KAT6B: variants seen among roughly 807,000 people sequenced by gnomAD.
KAT6B encodes histone acetyltransferase KAT6B.
A neutral mutation model predicts 187.5 loss-of-function variants in KAT6B; 10 were observed. The ratio of observed to expected loss-of-function variants is 0.05; its 90% CI spans 0.03 to 0.09. The LOEUF (loss-of-function observed/expected upper bound fraction) is 0.09. Among genes scored for constraint, KAT6B ranks in the 10% least tolerant of loss-of-function variants. The probability of loss-of-function intolerance (pLI) is 1.00; values close to 1 mark genes in which losing one functional copy is unlikely to be tolerated. For missense variants in KAT6B, 1,952 were observed against 2,558.9 expected (o/e 0.76, Z 5.12); for synonymous variants, 861 against 926.8 (o/e 0.93, Z 1.29).
rs1846099009 is a variant in KAT6B at position 75,028,957 on chromosome 10, T to G, written c.4133T>G (p.Val1378Gly). Residue 1378 changes from valine (V) to glycine (G), a missense_variant, in exon 18 of 18, where the codon GTA becomes GGA. Val to Gly is a moderately radical substitution (Grantham distance 109). Coordinates refer to ENST00000287239, the MANE Select transcript of KAT6B (RefSeq NM_012330.4). ...EGEEEEGGGN[V>G]EKDPDGAKSQ... ...GAAGAAGAAGAAGGAGGAGGAAATGTAGAAAAAGATCCAGATGGTGCTAAA... is the reference window on the plus strand; with the variant it reads ...GAAGAAGAAGAAGGAGGAGGAAATGGAGAAAAAGATCCAGATGGTGCTAAA... The G allele has an allele frequency of 6.2e-7, 1 of 1,612,396 alleles. No individual in the cohort carries two copies. The highest frequency in any genetic ancestry group is 8.5e-7 in the Non-Finnish European group (1 of 1,179,358).
intron 3 of KAT6B, among the ~76,000 whole-genome samples, chr10:74,928,899 GT>G (rs2133146456): frequency 6.6e-6 from 1 of 152,196 alleles, no homozygotes; most frequent in South Asian, 2.1e-4. Flanking sequence ...AAGAACCTTT[GT>G]TTTCTCTTGC....
At chr10:74,963,258 A>G (rs1207910745) in intron 4 of KAT6B, among the ~76,000 whole-genome samples, 1 of 152,236 alleles carries the variant, frequency 6.6e-6, no homozygotes, top group East Asian at 1.9e-4. Flanking sequence ...TCTTTGCCTC[A>G]TTAAGACCAA....
chr10:74,912,371 G>A (rs76125266), intron 3 of KAT6B, among the ~76,000 whole-genome samples: 1 of 62,884 alleles, frequency 1.6e-5, no homozygotes, highest in African/African-American at 5.7e-5. Flanking sequence ...TTAAATGGAT[G>A]GATGGATAGA....
At chr10:74,968,992 TC>T (rs1167181368) in intron 4 of KAT6B, among the ~76,000 whole-genome samples, 1 of 152,156 alleles carries the variant, frequency 6.6e-6, no homozygotes, top group Non-Finnish European at 1.5e-5. Context: ...AGGCCACACT[TC>T]TTGGTGGGTC....
At chr10:74,890,121 C>T (rs1452338006) in intron 3 of KAT6B, among the ~76,000 whole-genome samples, 1 of 151,888 alleles carries the variant, frequency 6.6e-6, no homozygotes, top group African/African-American at 2.4e-5. Flanking sequence ...TCACCACAAC[C>T]TCTGCCTCCT....
intron 16 of KAT6B, 23 bp from the exon 17 acceptor site, chr10:75,024,935 G>T (rs1589831206): frequency 1.2e-6 from 2 of 1,611,466 alleles, no homozygotes; most frequent in African/African-American, 1.3e-5. Context: ...GCTCTTATGT[G>T]TTATGTTTGG....
At chr10:74,904,944 A>G (rs930596479) in intron 3 of KAT6B, among the ~76,000 whole-genome samples, 1 of 152,160 alleles carries the variant, frequency 6.6e-6, no homozygotes, top group African/African-American at 2.4e-5. Flanking sequence ...TTCTACCTTC[A>G]CTAGAATTTT....
chr10:74,837,990 G>A (rs897868636), intron 1 of KAT6B, among the ~76,000 whole-genome samples: 3 of 152,036 alleles, frequency 2.0e-5, no homozygotes, highest in East Asian at 3.8e-4. Flanking sequence ...GGTGTGTGTC[G>A]TGGCTGGGGG....
chr10:74,910,070 A>G (rs970617056), intron 3 of KAT6B, among the ~76,000 whole-genome samples: 10 of 151,074 alleles, frequency 6.6e-5, no homozygotes, highest in Non-Finnish European at 1.5e-4. Context: ...ATGGTGGATC[A>G]CCTGAGGTTG....
intron 13 of KAT6B, among the ~76,000 whole-genome samples, chr10:75,015,270 T>C (rs191657065): frequency 1.9e-4 from 29 of 152,284 alleles, no homozygotes; most frequent in African/African-American, 6.5e-4. Context: ...AAGTAAAATA[T>C]ATGAAAAATT....
At position 75,029,394 on chromosome 10, in the gene KAT6B, G is replaced by A. The variant is rs545973592; in HGVS notation, c.4570G>A (p.Asp1524Asn). The A allele has an allele frequency of 8.1e-6, 13 of 1,614,066 alleles. No homozygotes were observed. Among genetic ancestry groups the A allele is most frequent in the African/African-American group, 2.7e-5 (2 of 74,998 alleles). The change falls in exon 18 of 18, where the codon GAT (aspartate) becomes AAT (asparagine). Residue 1524 changes from aspartate to asparagine, a missense_variant. Asp to Asn is a conservative substitution (Grantham distance 23). This residue lies in a region of KAT6B where 758 missense variants were observed against 891.4 expected (regional missense o/e 0.85). Transcript: ENST00000287239. This position sits in a 1 kb window ranked among gnomAD's most constrained non-coding sequence, Gnocchi z 6.2. The part of the protein sequence containing the change: ...KQDQKNSKEV[D>N]TEFKEGNPAT... ...GGACCAAAAGAACAGCAAGGAAGTCGATACAGAGTTCAAAGAGGGAAACCC... is the reference window on the plus strand; with the variant it reads ...GGACCAAAAGAACAGCAAGGAAGTCAATACAGAGTTCAAAGAGGGAAACCC...
intron 13 of KAT6B, among the ~76,000 whole-genome samples, chr10:75,018,761 T>A (rs1845173810): frequency 6.6e-6 from 1 of 152,122 alleles, no homozygotes; most frequent in South Asian, 2.1e-4. Flanking sequence ...GACTGCTGGA[T>A]TCAAATAAGC....
intron 10 of KAT6B, among the ~76,000 whole-genome samples, chr10:74,980,670 T>G (rs1034429653): frequency 3.3e-5 from 5 of 152,328 alleles, no homozygotes; most frequent in Non-Finnish European, 7.3e-5. Flanking sequence ...TTTTCCCCAT[T>G]CTTATACTCC....
chr10:74,826,918 G>C (rs1474031068), intron 1 of KAT6B, 133 bp downstream of exon 1: 1 of 151,194 alleles, frequency 6.6e-6, no homozygotes, highest in Non-Finnish European at 1.5e-5. Context: ...GGGCCGCTCG[G>C]GGTCAGGCTG....
At chr10:74,874,404 G>A (rs1361092922) in intron 3 of KAT6B, among the ~76,000 whole-genome samples, 1 of 152,060 alleles carries the variant, frequency 6.6e-6, no homozygotes, top group East Asian at 1.9e-4. Context: ...TTCCGAGACA[G>A]AGTCTTGCTC....
intron 5 of KAT6B, 75 bp downstream of exon 5, chr10:74,969,850 A>G (rs1380874575): frequency 1.3e-5 from 15 of 1,145,598 alleles, no homozygotes; most frequent in Non-Finnish European, 2.0e-5. Flanking sequence ...ATTTTTATAG[A>G]GTATGGCTAC....
intron 3 of KAT6B, among the ~76,000 whole-genome samples, chr10:74,898,655 G>A (rs1418588193): frequency 1.3e-5 from 2 of 152,156 alleles, no homozygotes; most frequent in Non-Finnish European, 2.9e-5. Flanking sequence ...AGGCCAGTCA[G>A]TGACAGAGAA....
rs201450454 is a variant in KAT6B at position 74,940,382 on chromosome 10, T to G, written c.622-19588T>G. ...CCTCCACCTCCTGGGTTCAAGTGAT[T>G]CGCCTGCCTCAGCCTCCTGAGTAGC... On this transcript the variant is annotated intron_variant, in intron 3 of 17. Transcript: ENST00000287239. 7.1e-4 allele frequency among the ~76,000 whole-genome samples: 108 copies of G among 151,506 alleles called. 1 individual carries two copies. In the East Asian group the frequency reaches 0.021, roughly 29 times the overall value.
chr10:74,921,403 C>T (rs113653935), intron 3 of KAT6B, among the ~76,000 whole-genome samples: 14 of 152,086 alleles, frequency 9.2e-5, no homozygotes, highest in African/African-American at 2.9e-4. Flanking sequence ...CATGAGCCAC[C>T]GTGCCTGGCC....
Sources: gnomAD v4.1 joint callset for allele counts (sites outside exome capture counted in the v4.1 genomes callset) on GRCh38, gnomAD v4.1.1 for gene constraint, gnomAD v4.1.1 regional missense constraint, Gnocchi (gnomAD v3.1) non-coding constraint, MANE v1.5 for transcripts, NCBI Gene and HGNC (gene_info 2026-07-23, HGNC 2026-07-21) for gene names.